Variants in SGCZ observed in about 807,000 individuals in gnomAD.
SGCZ encodes zeta-sarcoglycan.
Under a neutral mutation model 41.3 loss-of-function variants are expected in SGCZ, and 40 were observed. That is an observed-to-expected ratio of 0.97 (90% CI 0.75 to 1.26). SGCZ has a LOEUF of 1.26. Among genes scored for constraint, SGCZ ranks in the 50% most tolerant of loss-of-function variants. SGCZ has a pLI of 0.00. For synonymous variants in SGCZ, 206 were observed against 137.5 expected (o/e 1.50, Z -3.49); for missense variants, 552 against 369.8 (o/e 1.49, Z -4.04).
chr8:14,171,526 T>G (rs1179671879), intron 4 of SGCZ, among the ~76,000 whole-genome samples: 3 of 152,036 alleles, frequency 2.0e-5, no homozygotes, highest in African/African-American at 7.2e-5. Context: ...ATTTCAAATT[T>G]TTTCTCTATT....
At chr8:14,256,208 G>T (rs66463762) in intron 3 of SGCZ, among the ~76,000 whole-genome samples, 16,483 of 152,052 alleles carry the variant, frequency 0.11, 1,217 homozygotes, top group Admixed American at 0.2. Context: ...TTGGAGCCCA[G>T]GATTTACTTT....
At chr8:14,494,278 G>A (rs942183168) in intron 2 of SGCZ, among the ~76,000 whole-genome samples, 4 of 152,156 alleles carry the variant, frequency 2.6e-5, no homozygotes, top group Non-Finnish European at 5.9e-5. Flanking sequence ...CTTTGGGCTT[G>A]TGAAATTGCT....
At chr8:15,034,468 T>C (rs1029423242) in intron 1 of SGCZ, among the ~76,000 whole-genome samples, 1 of 152,008 alleles carries the variant, frequency 6.6e-6, no homozygotes, top group African/African-American at 2.4e-5. Context: ...TCTATGGGAA[T>C]ACAAGAAAAG....
chr8:15,131,707 C>G (rs577074572), intron 1 of SGCZ, among the ~76,000 whole-genome samples: 1 of 152,266 alleles, frequency 6.6e-6, no homozygotes, highest in East Asian at 1.9e-4. Context: ...TATTGAGTCC[C>G]CTAATAGCAA....
chr8:14,320,541 G>T (rs1341896483), intron 3 of SGCZ, among the ~76,000 whole-genome samples: 1 of 151,902 alleles, frequency 6.6e-6, no homozygotes, highest in East Asian at 1.9e-4. Flanking sequence ...ACAGCTTTTT[G>T]TCTGAATTCT....
At chr8:14,203,797 T>C (rs964275294) in intron 4 of SGCZ, among the ~76,000 whole-genome samples, 3 of 152,118 alleles carry the variant, frequency 2.0e-5, no homozygotes, top group East Asian at 3.9e-4. Context: ...GAGGGCACTA[T>C]TGAAACATAC....
intron 1 of SGCZ, among the ~76,000 whole-genome samples, chr8:14,725,558 A>G (rs1377821347): frequency 6.6e-6 from 1 of 152,238 alleles, no homozygotes; most frequent in Non-Finnish European, 1.5e-5. Context: ...AGAAGCAAGA[A>G]GAATGAGAAT....
intron 1 of SGCZ, among the ~76,000 whole-genome samples, chr8:15,130,309 G>A (rs532198083): frequency 6.6e-6 from 1 of 152,132 alleles, no homozygotes; most frequent in East Asian, 1.9e-4. Context: ...CCACTTGACG[G>A]GAAGTAATCT....
chr8:14,212,204 A>T (rs931707568), intron 4 of SGCZ, among the ~76,000 whole-genome samples: 1 of 152,000 alleles, frequency 6.6e-6, no homozygotes, highest in African/African-American at 2.4e-5. Context: ...GCAGAAGGTG[A>T]CCCACACTGG....
intron 2 of SGCZ, among the ~76,000 whole-genome samples, chr8:14,331,612 C>T (rs556126792): frequency 4.6e-5 from 7 of 151,958 alleles, no homozygotes; most frequent in African/African-American, 1.4e-4. Flanking sequence ...TCAACTTGTA[C>T]GGAAACATTT....
At position 14,268,332 on chromosome 8, in the gene SGCZ, C is replaced by T. The variant is rs755392351; in HGVS notation, c.337-30653G>A. 9.8e-4 allele frequency among the ~76,000 whole-genome samples: 146 copies of T among 148,354 alleles called. 1 individual carries two copies. Among genetic ancestry groups the T allele is most frequent in the Non-Finnish European group, 1.6e-3 (108 of 67,012 alleles). On this transcript the variant is annotated intron_variant, in intron 3 of 7. Coordinates refer to ENST00000382080, the MANE Select transcript of SGCZ (RefSeq NM_139167.4). Reference sequence around the variant, plus strand: ...ATAGTTAAAAGCAAATCAATGATAACATTTATATTTAAAAATATATATGTG... The same window carrying T: ...ATAGTTAAAAGCAAATCAATGATAATATTTATATTTAAAAATATATATGTG...
At chr8:15,129,091 G>C (rs1426170702) in intron 1 of SGCZ, among the ~76,000 whole-genome samples, 2 of 152,086 alleles carry the variant, frequency 1.3e-5, no homozygotes. Flanking sequence ...CACCACTCTT[G>C]TAATAATCCT....
At chr8:15,058,156 T>A (rs569196452) in intron 1 of SGCZ, among the ~76,000 whole-genome samples, 23 of 152,318 alleles carry the variant, frequency 1.5e-4, no homozygotes, top group Admixed American at 1.5e-3. Flanking sequence ...ACATGAACAC[T>A]AATAAATTAA....
chr8:14,712,235 T>C (rs563955389), intron 1 of SGCZ, among the ~76,000 whole-genome samples: 1 of 152,358 alleles, frequency 6.6e-6, no homozygotes, highest in African/African-American at 2.4e-5. Context: ...CTTATAAAAG[T>C]ATTCCCCCTC....
At chr8:14,142,908 G>A (rs1366187899) in intron 5 of SGCZ, among the ~76,000 whole-genome samples, 1 of 151,530 alleles carries the variant, frequency 6.6e-6, no homozygotes, top group African/African-American at 2.4e-5. Flanking sequence ...ATGATCATAA[G>A]TTTCCTGAGA....
At chr8:15,205,256 G>C (rs113034864) in intron 1 of SGCZ, among the ~76,000 whole-genome samples, 1 of 152,076 alleles carries the variant, frequency 6.6e-6, no homozygotes, top group Non-Finnish European at 1.5e-5. Flanking sequence ...ATTGACAAGT[G>C]GGATGTAATT....
At chr8:14,500,759 C>A (rs535781023) in intron 2 of SGCZ, among the ~76,000 whole-genome samples, 1 of 151,848 alleles carries the variant, frequency 6.6e-6, no homozygotes, top group Non-Finnish European at 1.5e-5. Context: ...GTAGTATATG[C>A]CTTACTTGTT....
At chr8:14,341,722 C>G (rs1054250485) in intron 2 of SGCZ, among the ~76,000 whole-genome samples, 1 of 152,102 alleles carries the variant, frequency 6.6e-6, no homozygotes, top group Non-Finnish European at 1.5e-5. Flanking sequence ...CTGTGCTATT[C>G]TTGTTTGAAT....
chr8:14,431,108 C>T (rs1208456539), intron 2 of SGCZ, among the ~76,000 whole-genome samples: 2 of 152,128 alleles, frequency 1.3e-5, no homozygotes, highest in African/African-American at 4.8e-5. Flanking sequence ...AAAATGACCT[C>T]ACTATCAAAA....
Sources: allele counts gnomAD v4.1 joint callset (sites outside exome capture counted in the v4.1 genomes callset), GRCh38; gene constraint gnomAD v4.1.1; transcripts MANE v1.5; gene names NCBI Gene and HGNC (gene_info 2026-07-23, HGNC 2026-07-21).